PDLIM4: variants seen among roughly 807,000 people sequenced by gnomAD.
PDLIM4 encodes the protein PDZ and LIM domain 4, also known as PDZ and LIM domain protein 4.
A neutral mutation model predicts 31.3 loss-of-function variants in PDLIM4; 19 were observed. The observed-to-expected ratio is 0.61, with a 90% CI of 0.42 to 0.89. The LOEUF (loss-of-function observed/expected upper bound fraction) is 0.89. Among genes scored for constraint, PDLIM4 ranks in the 40% least tolerant of loss-of-function variants. PDLIM4 has a pLI of 0.00. For synonymous variants in PDLIM4, 176 were observed against 190.1 expected (o/e 0.93, Z 0.61); for missense variants, 442 against 461.1 (o/e 0.96, Z 0.38).
chr5:132,260,284 G>C (rs1283132859), intron 1 of PDLIM4, among the ~76,000 whole-genome samples: 2 of 152,164 alleles, frequency 1.3e-5, no homozygotes, highest in East Asian at 3.9e-4. Flanking sequence ...TGACTTCACT[G>C]TTCCTGTCTC....
intron 5 of PDLIM4, 58 bp downstream of exon 5, chr5:132,271,524 GC>G: frequency 1.3e-6 from 2 of 1,559,826 alleles, no homozygotes; most frequent in Non-Finnish European, 8.8e-7. Context: ...TGCCCAGGTT[GC>G]CCCCTAGCGA....
intron 1 of PDLIM4, among the ~76,000 whole-genome samples, chr5:132,259,137 C>CTGTGTGTGTGTG (rs70974028): frequency 0.012 from 1,794 of 146,162 alleles, 24 homozygotes; most frequent in Middle Eastern, 0.028. Context: ...AGGATTCCTG[C>CTGTGTGTGTGTG]TGTGTGTGTG....
intron 3 of PDLIM4, among the ~76,000 whole-genome samples, chr5:132,269,204 G>GAC (rs953988354): frequency 3.4e-4 from 52 of 152,146 alleles, no homozygotes; most frequent in African/African-American, 1.2e-3. Flanking sequence ...CTGCATGGGT[G>GAC]ACCGTGGGAG....
Position 132,257,850 on chromosome 5 carries a change from G to A in PDLIM4, c.93+23G>A. 7.3e-7 allele frequency: 1 copy of A among 1,375,078 alleles called. No individual in the cohort carries two copies. The highest frequency in any genetic ancestry group is 1.8e-4 in the Middle Eastern group (1 of 5,542). The allele number at this position is 1,375,078 out of a possible 1,614,324, so 85.2% of individuals were successfully genotyped here. On this transcript the variant is annotated intron_variant, in intron 1 of 6. Transcript: ENST00000253754. This position sits in a 1 kb window ranked among gnomAD's most constrained non-coding sequence, Gnocchi z 4.3. ...CGGGTGAGTCTGGCGGCTGCGTGGC[G>A]GCAGGGCGGTCCCATGTCTGAGACC...
chr5:132,267,886 G>C (rs538624574), intron 3 of PDLIM4, among the ~76,000 whole-genome samples: 1 of 152,300 alleles, frequency 6.6e-6, no homozygotes, highest in South Asian at 2.1e-4. Flanking sequence ...CCAGACCTTA[G>C]GGGTAGGGGT....
At chr5:132,264,439 T>G (rs1756445386) in intron 2 of PDLIM4, among the ~76,000 whole-genome samples, 1 of 152,166 alleles carries the variant, frequency 6.6e-6, no homozygotes. Flanking sequence ...GAGGGAGAGA[T>G]AACTATGCTG....
At position 132,257,789 on chromosome 5, in the gene PDLIM4, G is replaced by T; in HGVS notation, c.55G>T (p.Gly19Cys). Residue 19 changes from glycine to cysteine, a missense_variant, in exon 1 of 7, where the codon GGC becomes TGC. Transcript: ENST00000253754. The surrounding 1 kb of genome is among the most constrained non-coding windows in gnomAD (Gnocchi z 4.3). ...TTCGCCCTGGGGCTTCCGCCTGGTGGGCGGCCGGGACTTCAGCGCGCCCCT... is the reference window on the plus strand; with the variant it reads ...TTCGCCCTGGGGCTTCCGCCTGGTGTGCGGCCGGGACTTCAGCGCGCCCCT... ...GPSPWGFRLV[G>C]GRDFSAPLTI... 1 of 1,506,750 alleles carries T rather than the reference G, an allele frequency of 6.6e-7. No individual in the cohort carries two copies. The highest frequency in any genetic ancestry group is 8.8e-7 in the Non-Finnish European group (1 of 1,132,348). 93.3% of individuals were successfully genotyped at this position (1,506,750 alleles called of 1,614,324 possible).
chr5:132,271,616 C>T, intron 5 of PDLIM4, 150 bp downstream of exon 5: 3 of 956,380 alleles, frequency 3.1e-6, no homozygotes, highest in Non-Finnish European at 5.0e-6. Flanking sequence ...CCTTGCTACG[C>T]CCTGGCTTCC....
intron 4 of PDLIM4, 33 bp downstream of exon 4, chr5:132,271,126 G>A (rs777813634): frequency 5.0e-6 from 8 of 1,599,872 alleles, no homozygotes; most frequent in South Asian, 2.2e-5. Flanking sequence ...GCCATGCCCA[G>A]AACCCATCTT....
chr5:132,272,345 C>T lies in PDLIM4; in HGVS notation c.*116C>T, dbSNP rs1022208619. The T allele has an allele frequency of 9.0e-5, 75 of 837,348 alleles. No individual in the cohort carries two copies. The African/African-American group carries it at 1.1e-3, about 13-fold the overall frequency. The allele number at this position is 837,348 out of a possible 1,614,324, so 51.9% of individuals were successfully genotyped here. Reference sequence around the variant, plus strand: ...GCTCCACCTTGAACCTGTCACCTGGCCTGCCACCCTCCTGCGCAGGCCATG... The same window carrying T: ...GCTCCACCTTGAACCTGTCACCTGGTCTGCCACCCTCCTGCGCAGGCCATG... On this transcript the variant is annotated 3_prime_UTR_variant, in exon 7 of 7. Coordinates refer to ENST00000253754, the MANE Select transcript of PDLIM4 (RefSeq NM_003687.4).
intron 1 of PDLIM4, among the ~76,000 whole-genome samples, chr5:132,259,137 C>CTGTGTGTG (rs70974028): frequency 0.041 from 6,038 of 146,150 alleles, 272 homozygotes; most frequent in African/African-American, 0.1. Flanking sequence ...AGGATTCCTG[C>CTGTGTGTG]TGTGTGTGTG....
intron 1 of PDLIM4, among the ~76,000 whole-genome samples, chr5:132,260,617 C>A (rs114772815): frequency 7.2e-4 from 109 of 152,286 alleles, no homozygotes; most frequent in Non-Finnish European, 1.3e-3. Context: ...TCCCTTACCC[C>A]CTTTGGAAGA....
intron 4 of PDLIM4, 48 bp downstream of exon 4, chr5:132,271,141 C>T (rs1444095869): frequency 1.3e-6 from 2 of 1,571,838 alleles, no homozygotes; most frequent in South Asian, 2.3e-5. Context: ...CATCTTAACC[C>T]TTGATCCCTC....
intron 2 of PDLIM4, among the ~76,000 whole-genome samples, chr5:132,264,916 A>C (rs1468935809): frequency 2.0e-5 from 3 of 150,088 alleles, no homozygotes; most frequent in East Asian, 2.0e-4. Flanking sequence ...CCCCCCACCA[A>C]CTCCCCCACA....
chr5:132,271,447 G>T lies in PDLIM4; in HGVS notation c.651G>T (p.Met217Ile). ...GCTCCTTCCGCTACTTGCAGGGCAT[G>T]CTAGAGGCCGGCGAGGGCGGTAAGA... is the stretch of plus-strand genomic sequence containing the variant. ...QSGSFRYLQG[M>I]LEAGEGGDWP... Residue 217 changes from methionine (M) to isoleucine (I), a missense_variant, in exon 5 of 7, where the codon ATG becomes ATT. Met to Ile is a conservative substitution (Grantham distance 10). Coordinates refer to ENST00000253754, the MANE Select transcript of PDLIM4 (RefSeq NM_003687.4). The T allele has an allele frequency of 6.2e-7, 1 of 1,608,934 alleles. No homozygotes were observed.
intron 5 of PDLIM4, 154 bp downstream of exon 5, chr5:132,271,620 GGCTTCCCGATTCCCTC>G (rs753770624): frequency 2.1e-6 from 2 of 958,552 alleles, no homozygotes; most frequent in South Asian, 2.7e-5. Context: ...GCTACGCCCT[GGCTTCCCGATTCCCTC>G]TCCACCCCCT....
chr5:132,261,795 C>T (rs867068391), intron 1 of PDLIM4, among the ~76,000 whole-genome samples: 2 of 152,134 alleles, frequency 1.3e-5, no homozygotes, highest in Non-Finnish European at 2.9e-5. Flanking sequence ...ATTCTGACCC[C>T]CAAACGCAGG....
Position 132,271,059 on chromosome 5 carries a change from C to T in PDLIM4, c.472C>T (p.Gln158Ter). Residue 158 changes from glutamine (Q) to a stop codon, truncating the protein, a stop_gained, in exon 4 of 7, where the codon CAG (glutamine) becomes TAG (stop). Transcript: ENST00000253754. LOFTEE classifies it high-confidence loss of function. ...CAGCAGCGAGGCCACCCTGCCAGCC[C>T]AGATGAGCACCCTGCATGTGTCTCC... The part of the protein sequence containing the change: ...NGSSEATLPA[Q>*]MSTLHVSPPP... 1 of 1,614,116 alleles carries T rather than the reference C, an allele frequency of 6.2e-7. No homozygotes were observed. Among genetic ancestry groups the T allele is most frequent in the Non-Finnish European group, 8.5e-7 (1 of 1,179,976 alleles).
intron 1 of PDLIM4, 89 bp from the exon 2 acceptor site, chr5:132,262,520 A>G: frequency 8.2e-7 from 1 of 1,226,740 alleles, no homozygotes; most frequent in Non-Finnish European, 1.1e-6. Context: ...CACACTGGCT[A>G]GGTTCTGAGG....
Sources: gnomAD v4.1 joint callset for allele counts (sites outside exome capture counted in the v4.1 genomes callset) on GRCh38, gnomAD v4.1.1 for gene constraint, Gnocchi (gnomAD v3.1) non-coding constraint, MANE v1.5 for transcripts, NCBI Gene and HGNC (gene_info 2026-07-23, HGNC 2026-07-21) for gene names.